SIDT1: variants seen among roughly 807,000 people sequenced by gnomAD.
SIDT1 encodes the protein SID1 transmembrane family, member 1.
In SIDT1, 101 loss-of-function variants were observed where a neutral mutation model predicts 107.5. The ratio of observed to expected loss-of-function variants is 0.94; its 90% CI spans 0.80 to 1.11. The LOEUF (loss-of-function observed/expected upper bound fraction) is 1.11. Ranked by LOEUF, SIDT1 falls within the 50% of genes least tolerant of loss-of-function variation. SIDT1 has a pLI of 0.00. For missense variants in SIDT1, 1,076 were observed against 1,058.2 expected (o/e 1.02, Z -0.23); for synonymous variants, 395 against 398.2 (o/e 0.99, Z 0.10).
intron 10 of SIDT1, among the ~76,000 whole-genome samples, chr3:113,595,723 G>C (rs1944500505): frequency 6.6e-6 from 1 of 152,138 alleles, no homozygotes; most frequent in Admixed American, 6.5e-5. Context: ...GTAGGGAATA[G>C]GAATATTCAC....
intron 5 of SIDT1, 56 bp from the exon 6 acceptor site, chr3:113,581,305 A>G (rs1476409241): frequency 2.2e-6 from 3 of 1,369,220 alleles, no homozygotes; most frequent in Non-Finnish European, 1.0e-6. Context: ...TATGTGTGGC[A>G]TGACATTGCA....
At chr3:113,553,306 A>C (rs1413961314) in intron 1 of SIDT1, among the ~76,000 whole-genome samples, 1 of 152,172 alleles carries the variant, frequency 6.6e-6, no homozygotes, top group Non-Finnish European at 1.5e-5. Context: ...ACAAACACGT[A>C]TTTAAAGTTA....
Position 113,539,260 on chromosome 3 carries a change from G to T in SIDT1, c.222+6017G>T, listed in dbSNP as rs75549947. ...ATCTGATATATTTTATTCCATTACAGTTATTATCCTTATTTAAGTTTAAAT... is the reference window on the plus strand; with the variant it reads ...ATCTGATATATTTTATTCCATTACATTTATTATCCTTATTTAAGTTTAAAT... On this transcript the variant is annotated intron_variant, in intron 1 of 24. Transcript: ENST00000264852. Among the ~76,000 whole-genome samples the T allele has an allele frequency of 9.1e-4, 138 of 152,228 alleles. 1 individual carries two copies. In the East Asian group the frequency reaches 0.019, roughly 21 times the overall value.
intron 1 of SIDT1, among the ~76,000 whole-genome samples, chr3:113,548,061 G>GAGCATAAATACAAGTTT (rs1939797115): frequency 6.6e-6 from 1 of 152,016 alleles, no homozygotes; most frequent in African/African-American, 2.4e-5. Flanking sequence ...GGACCTTCAA[G>GAGCATAAATACAAGTTT]AGCATAAATA....
chr3:113,553,155 A>G (rs1940462149), intron 1 of SIDT1, among the ~76,000 whole-genome samples: 1 of 152,162 alleles, frequency 6.6e-6, no homozygotes, highest in Non-Finnish European at 1.5e-5. Context: ...TCTTTCCACA[A>G]TTAAAAATGG....
intron 1 of SIDT1, among the ~76,000 whole-genome samples, chr3:113,533,672 T>C (rs1180431093): frequency 1.3e-5 from 2 of 152,190 alleles, no homozygotes; most frequent in African/African-American, 4.8e-5. Context: ...TTCTATTTCA[T>C]AGCGCATGGG....
In SIDT1 at chr3:113,608,197, G is replaced by A. The variant is rs1205360405; in HGVS notation, c.1582G>A (p.Ala528Thr). The A allele has an allele frequency of 1.2e-6, 2 of 1,601,412 alleles. No individual in the cohort carries two copies. Among genetic ancestry groups the A allele is most frequent in the Admixed American group, 1.7e-5 (1 of 57,832 alleles). The change falls in exon 16 of 25, where the codon GCC becomes ACC. Residue 528 changes from alanine to threonine, a missense_variant. Ala to Thr is a moderately conservative substitution (Grantham distance 58). Coordinates refer to ENST00000264852, the MANE Select transcript of SIDT1 (RefSeq NM_017699.3). ...CATCCTCCATCGGAGAGCCCTGGAA[G>A]CCAAGGACATCTTTGCTGTGGTGAG... ...RDILHRRALE[A>T]KDIFAVEYGI...
chr3:113,619,528 G>A (rs1163361666), intron 20 of SIDT1, 152 bp from the exon 21 acceptor site: 4 of 673,568 alleles, frequency 5.9e-6, no homozygotes, highest in African/African-American at 5.4e-5. Context: ...TATACGATTA[G>A]TGTCAGATCA....
chr3:113,630,640 G>A (rs934049031), downstream of SIDT1, among the ~76,000 whole-genome samples: 1 of 152,206 alleles, frequency 6.6e-6, no homozygotes, highest in Non-Finnish European at 1.5e-5. Context: ...ACTATTCACA[G>A]AAGGAACAGT....
chr3:113,597,766 A>G (rs1332578846), intron 10 of SIDT1, among the ~76,000 whole-genome samples: 1 of 152,230 alleles, frequency 6.6e-6, no homozygotes, highest in African/African-American at 2.4e-5. Context: ...AGAGAAACAC[A>G]TATCAAAACA....
chr3:113,533,088 G>A lies in SIDT1; in HGVS notation c.67G>A (p.Gly23Arg), dbSNP rs13327031. The A allele has an allele frequency of 0.026, 39,397 of 1,511,330 alleles. 925 individuals are homozygous for A. Among genetic ancestry groups the A allele is most frequent in the African/African-American group, 0.11 (7,837 of 69,864 alleles). 93.6% of individuals were successfully genotyped at this position (1,511,330 alleles called of 1,614,324 possible). A position where few individuals can be genotyped will look rare whatever the true frequency, so the allele number is the denominator to read the frequency against. The change falls in exon 1 of 25, where the codon GGG becomes AGG. Residue 23 changes from glycine (G) to arginine (R), a missense_variant. Coordinates refer to ENST00000264852, the MANE Select transcript of SIDT1 (RefSeq NM_017699.3). The part of the protein sequence containing the change: ...LPWLLLAASP[G>R]HPAKSPRQPP... ...CTGGCTCCTGCTGGCGGCGTCGCCC[G>A]GGCACCCGGCGAAATCCCCCAGGCA...
At chr3:113,596,094 A>C (rs1944526816) in intron 10 of SIDT1, among the ~76,000 whole-genome samples, 1 of 152,240 alleles carries the variant, frequency 6.6e-6, no homozygotes, top group South Asian at 2.1e-4. Flanking sequence ...GAGTTACAGG[A>C]AATGCCTTGG....
rs1411258631 is a variant in SIDT1, at chr3:113,533,105, C to T, written c.84C>T (p.Ser28=). The T allele has an allele frequency of 1.1e-5, 17 of 1,536,676 alleles. No individual in the cohort carries two copies. The highest frequency in any genetic ancestry group is 2.7e-5 in the East Asian group (1 of 37,628). Residue 28 remains serine (S), a synonymous_variant, in exon 1 of 25, where the codon TCC becomes TCT. Transcript: ENST00000264852. ...LAASPGHPAK[S]PRQPPAPRRD... ...CGTCGCCCGGGCACCCGGCGAAATCCCCCAGGCAGCCCCCGGCACCGCGCC... is the reference window on the plus strand; with the variant it reads ...CGTCGCCCGGGCACCCGGCGAAATCTCCCAGGCAGCCCCCGGCACCGCGCC...
intron 1 of SIDT1, among the ~76,000 whole-genome samples, chr3:113,540,267 G>A (rs1462301082): frequency 1.3e-5 from 2 of 152,056 alleles, no homozygotes; most frequent in African/African-American, 4.8e-5. Flanking sequence ...ATTCATGAAG[G>A]ATCTACCCTC....
chr3:113,625,885 T>C (rs1046848930), intron 23 of SIDT1: 7 of 523,850 alleles, frequency 1.3e-5, no homozygotes, highest in Non-Finnish European at 2.0e-5. Context: ...GTGCAGAAGC[T>C]TCGTAGCTTG....
intron 1 of SIDT1, among the ~76,000 whole-genome samples, chr3:113,541,129 TATATACACACACATACAC>T (rs1938799636): frequency 7.5e-6 from 1 of 133,490 alleles, no homozygotes. Context: ...TATATATATA[TATATACACACACATACAC>T]ACACACACAC....
At chr3:113,541,925 CTTTTT>C (rs34308658) in intron 1 of SIDT1, among the ~76,000 whole-genome samples, 1 of 128,220 alleles carries the variant, frequency 7.8e-6, no homozygotes, top group Non-Finnish European at 1.7e-5. Flanking sequence ...CTTTTTCTTT[CTTTTT>C]TTTTTTTTTT....
intron 21 of SIDT1, among the ~76,000 whole-genome samples, chr3:113,620,607 G>C (rs1946403361): frequency 6.6e-6 from 1 of 152,114 alleles, no homozygotes; most frequent in Non-Finnish European, 1.5e-5. Context: ...TCCTATCTGG[G>C]GGGCATGTGC....
At chr3:113,539,207 A>G (rs1418091650) in intron 1 of SIDT1, among the ~76,000 whole-genome samples, 1 of 152,244 alleles carries the variant, frequency 6.6e-6, no homozygotes, top group Non-Finnish European at 1.5e-5. Flanking sequence ...TTTACTTAGC[A>G]TAATCATGAG....
Sources: gnomAD v4.1 joint callset for allele counts (sites outside exome capture counted in the v4.1 genomes callset) on GRCh38, gnomAD v4.1.1 for gene constraint, MANE v1.5 for transcripts, NCBI Gene and HGNC (gene_info 2026-07-23, HGNC 2026-07-21) for gene names.